The following GPC2 variants were observed in gnomAD, a reference collection of about 807,000 sequenced individuals.
The protein encoded by GPC2 is glypican-2.
A neutral mutation model predicts 57.3 loss-of-function variants in GPC2; 42 were observed. That is an observed-to-expected ratio of 0.73 (90% CI 0.57 to 0.95). The LOEUF (loss-of-function observed/expected upper bound fraction) is 0.95, where lower values mean the gene tolerates loss of function less well. Among genes scored for constraint, GPC2 ranks in the 40% least tolerant of loss-of-function variants. The probability of loss-of-function intolerance (pLI) is 0.00; values close to 1 mark genes in which losing one functional copy is unlikely to be tolerated. For missense variants in GPC2, 745 were observed against 793.6 expected (o/e 0.94, Z 0.74); for synonymous variants, 364 against 343.4 (o/e 1.06, Z -0.66).
chr7:100,172,222 A>C lies in GPC2; in HGVS notation c.893-5T>G. On this transcript the variant is annotated splice_polypyrimidine_tract_variant and splice_region_variant and intron_variant, in intron 5 of 9. Coordinates refer to ENST00000292377, the MANE Select transcript of GPC2 (RefSeq NM_152742.3). ...CAGCCAGGATCAGGAGACCATCTTA[A>C]GGGAGGGAGAGAAAGAGAAAGGATG... The C allele has an allele frequency of 1.9e-6, 3 of 1,613,760 alleles. No individual in the cohort carries two copies. The highest frequency in any genetic ancestry group is 2.5e-6 in the Non-Finnish European group (3 of 1,179,888).
At position 100,177,041 on chromosome 7, in the gene GPC2, C is replaced by G; in HGVS notation, c.159G>C (p.Leu53=). 6.0e-6 allele frequency: 8 copies of G among 1,343,212 alleles called. No homozygotes were observed. Among genetic ancestry groups the G allele is most frequent in the Non-Finnish European group, 8.0e-6 (8 of 1,005,912 alleles). The allele number at this position is 1,343,212 out of a possible 1,614,324, so 83.2% of individuals were successfully genotyped here. A position where few individuals can be genotyped will look rare whatever the true frequency, so the allele number is the denominator to read the frequency against. The stretch of plus-strand genomic sequence containing the variant: ...CTTCCTCTTTCTCCTCACCTGAGAT[C>G]AGGGCGGGAGGGATTAGGTTTAAGC... ...GYSLNLIPPA[L]ISGEHLRVCP... Residue 53 remains leucine (L), a synonymous_variant, in exon 1 of 10, where the codon CTG becomes CTC. Coordinates refer to ENST00000292377, the MANE Select transcript of GPC2 (RefSeq NM_152742.3).
intron 2 of GPC2, 29 bp from the exon 3 acceptor site, chr7:100,175,923 G>T: frequency 6.3e-7 from 1 of 1,589,432 alleles, no homozygotes; most frequent in Non-Finnish European, 8.6e-7. Context: ...ACAGGTGGAA[G>T]GCAGGTCAGG....
intron 1 of GPC2, among the ~76,000 whole-genome samples, chr7:100,176,746 G>T (rs577054576): frequency 6.6e-6 from 1 of 152,282 alleles, no homozygotes; most frequent in East Asian, 1.9e-4. Flanking sequence ...CATAGAAGGG[G>T]CTAATAGAAA....
rs151114110 is a variant in GPC2 at position 100,177,145 on chromosome 7, C to T, written c.55G>A (p.Gly19Ser). 2 of 1,613,754 alleles carry T rather than the reference C, an allele frequency of 1.2e-6. No homozygotes were observed. The highest frequency in any genetic ancestry group is 1.7e-5 in the Admixed American group (1 of 59,980). Residue 19 changes from glycine to serine, a missense_variant, in exon 1 of 10, where the codon GGT becomes AGT. Coordinates refer to ENST00000292377, the MANE Select transcript of GPC2 (RefSeq NM_152742.3). ...TTTGCCTCGCTCCCGGGTCCGGGAC[C>T]AGGACCGGGACACAGAGGCAGCAGC... ...LLLLPLCPGP[G>S]PGPGSEAKVT... is the part of the protein sequence containing the mutation.
rs1799225343 is a variant in GPC2, at chr7:100,173,840, T to C, written c.887A>G (p.Tyr296Cys). 4 of 1,564,104 alleles carry C rather than the reference T, an allele frequency of 2.6e-6. No individual in the cohort carries two copies. Among genetic ancestry groups the C allele is most frequent in the African/African-American group, 1.4e-5 (1 of 72,476 alleles). Residue 296 changes from tyrosine (Y) to cysteine (C), a missense_variant, in exon 5 of 10, where the codon TAT becomes TGT. This residue lies in a region of GPC2 where 607 missense variants were observed against 603.9 expected (regional missense o/e 1.01). Transcript: ENST00000292377. ...GCTTTCTTGAATCCCCTCACCCAGA[T>C]AGTTGCCCCAGTCAGGCTCCAGTCC... ...SRGLEPDWGNYLDGLLILADK... is the reference protein window; with the variant it reads ...SRGLEPDWGNCLDGLLILADK...
At chr7:100,174,352 A>G (rs1799233707) in intron 4 of GPC2, 1 of 519,862 alleles carries the variant, frequency 1.9e-6, no homozygotes, top group Non-Finnish European at 3.5e-6. Flanking sequence ...TCTGGCCTTC[A>G]GCAGCAGGGA....
At position 100,170,061 on chromosome 7, in the gene GPC2, C is replaced by T. The variant is rs1294075675; in HGVS notation, c.*169G>A. On this transcript the variant is annotated 3_prime_UTR_variant, in exon 10 of 10. Transcript: ENST00000292377. The stretch of plus-strand genomic sequence containing the variant: ...ATGAAAAAATAAATATTGTGAACAC[C>T]CACCCACCTCTGATGAAAATCTCCT... The T allele has an allele frequency of 5.3e-6, 3 of 561,422 alleles. No individual in the cohort carries two copies. Among genetic ancestry groups the T allele is most frequent in the Non-Finnish European group, 9.1e-6 (3 of 328,438 alleles). The allele number at this position is 561,422 out of a possible 1,614,324, so 34.8% of individuals were successfully genotyped here. A position where few individuals can be genotyped will look rare whatever the true frequency, so the allele number is the denominator to read the frequency against.
rs202085989 is a variant in GPC2 at position 100,176,381 on chromosome 7, G to T, written c.167-16C>A. On this transcript the variant is annotated splice_polypyrimidine_tract_variant and intron_variant, in intron 1 of 9. Transcript: ENST00000292377. ...AGGTGCTCACCTGGACAGAGGAGAC[G>T]TGAAGGAATGGTGGGAAGTGATATC... 2 of 1,607,654 alleles carry T rather than the reference G, an allele frequency of 1.2e-6. No homozygotes were observed. Among genetic ancestry groups the T allele is most frequent in the African/African-American group, 2.7e-5 (2 of 74,744 alleles).
intron 2 of GPC2, 151 bp from the exon 3 acceptor site, chr7:100,176,045 A>G (rs1799269282): frequency 3.1e-6 from 1 of 325,516 alleles, no homozygotes; most frequent in African/African-American, 5.3e-5. Flanking sequence ...CAGACAGGGA[A>G]TGGGGGAGGG....
In GPC2 at chr7:100,171,228, CG is replaced by C. The variant is rs1799170233; in HGVS notation, c.1486+32del. 1 of 1,500,324 alleles carries C rather than the reference CG, an allele frequency of 6.7e-7. No homozygotes were observed. The highest frequency in any genetic ancestry group is 2.2e-5 in the Admixed American group (1 of 45,080). The allele number at this position is 1,500,324 out of a possible 1,614,324, so 92.9% of individuals were successfully genotyped here. On this transcript the variant is annotated intron_variant, in intron 9 of 9. Coordinates refer to ENST00000292377, the MANE Select transcript of GPC2 (RefSeq NM_152742.3). The surrounding 1 kb of genome is among the most constrained non-coding windows in gnomAD (Gnocchi z 4.8). ...AGGGGAGAGGCTTCAGGGCAGTGGGCGGGGCTCAGGCTCAGGGATGCAGGGG... is the reference window on the plus strand; with the variant it reads ...AGGGGAGAGGCTTCAGGGCAGTGGGCGGGCTCAGGCTCAGGGATGCAGGGG...
intron 4 of GPC2, 122 bp from the exon 5 acceptor site, chr7:100,174,119 G>A (rs1395935200): frequency 1.5e-5 from 12 of 789,226 alleles, no homozygotes; most frequent in South Asian, 6.6e-5. Context: ...GTGACCCCAC[G>A]TGGCAGCAGG....
chr7:100,173,978 C>T lies in GPC2; in HGVS notation c.749G>A (p.Cys250Tyr). The change falls in exon 5 of 10, where the codon TGC becomes TAC. Residue 250 changes from cysteine (C) to tyrosine (Y), a missense_variant. Coordinates refer to ENST00000292377, the MANE Select transcript of GPC2 (RefSeq NM_152742.3). ...EALKVPVSEGCSQALMRLIGC... is the reference protein window; with the variant it reads ...EALKVPVSEGYSQALMRLIGC... Reference sequence around the variant, plus strand: ...GATGAGACGCATCAGAGCCTGGCTGCAGCCTTCAGACACCGGCACCTGGGG... The same window carrying T: ...GATGAGACGCATCAGAGCCTGGCTGTAGCCTTCAGACACCGGCACCTGGGG... 1.9e-6 allele frequency: 3 copies of T among 1,584,926 alleles called. No homozygotes were observed. The highest frequency in any genetic ancestry group is 1.7e-6 in the Non-Finnish European group (2 of 1,166,378).
At position 100,174,501 on chromosome 7, in the gene GPC2, C is replaced by G. The variant is rs765470503; in HGVS notation, c.729+184G>C. 6 of 685,924 alleles carry G rather than the reference C, an allele frequency of 8.7e-6. No individual in the cohort carries two copies. In the Admixed American group the frequency reaches 1.2e-4, roughly 14 times the overall value. The allele number at this position is 685,924 out of a possible 1,614,324, so 42.5% of individuals were successfully genotyped here. On this transcript the variant is annotated intron_variant, in intron 4 of 9. Transcript: ENST00000292377. ...GAGGAGGGGGTCAGAGATCATGGAT[C>G]GTGGACCATTGGAGGTTTCACTCCA... is the stretch of plus-strand genomic sequence containing the variant.
At chr7:100,176,475 T>C (rs567857198) in intron 1 of GPC2, 110 bp from the exon 2 acceptor site, 3 of 1,024,502 alleles carry the variant, frequency 2.9e-6, no homozygotes, top group East Asian at 2.4e-5. Context: ...CTGGTCTCTT[T>C]TCTATTGTCT....
chr7:100,175,976 G>A, intron 2 of GPC2, 82 bp from the exon 3 acceptor site: 1 of 1,163,714 alleles, frequency 8.6e-7, no homozygotes, highest in Non-Finnish European at 1.3e-6. Flanking sequence ...GGCAGGAGGA[G>A]ATGGGAGAGA....
rs141656108 is a variant in GPC2 at position 100,170,229 on chromosome 7, G to A, written c.*1C>T. The A allele has an allele frequency of 1.4e-3, 2,153 of 1,548,442 alleles. 4 individuals are homozygous for A. The highest frequency in any genetic ancestry group is 1.7e-3 in the Non-Finnish European group (1,999 of 1,145,188). On this transcript the variant is annotated 3_prime_UTR_variant, in exon 10 of 10. Coordinates refer to ENST00000292377, the MANE Select transcript of GPC2 (RefSeq NM_152742.3). ...TCTGATGCTAGGGCACCCCTCCCCCGTTATCGAGGTCCAAGCAGGGCCAGG... is the reference window on the plus strand; with the variant it reads ...TCTGATGCTAGGGCACCCCTCCCCCATTATCGAGGTCCAAGCAGGGCCAGG...
At chr7:100,176,587 C>T (rs1334920271) in intron 1 of GPC2, among the ~76,000 whole-genome samples, 2 of 152,162 alleles carry the variant, frequency 1.3e-5, no homozygotes, top group East Asian at 3.9e-4. Context: ...AACAGCTGCC[C>T]TGAGGGCCAA....
At position 100,177,048 on chromosome 7, in the gene GPC2, G is replaced by C. The variant is rs561633270; in HGVS notation, c.152C>G (p.Pro51Arg). Reference protein sequence around the residue: ...ARGYSLNLIPPALISGEHLRV... With the variant: ...ARGYSLNLIPRALISGEHLRV... ...TTTCTCCTCACCTGAGATCAGGGCGGGAGGGATTAGGTTTAAGCTATATCC... is the reference window on the plus strand; with the variant it reads ...TTTCTCCTCACCTGAGATCAGGGCGCGAGGGATTAGGTTTAAGCTATATCC... Residue 51 changes from proline to arginine, a missense_variant, in exon 1 of 10, where the codon CCC becomes CGC. Around this residue, in one of 2 missense-constraint regions of GPC2, gnomAD observed 138 missense variants for 189.8 expected, o/e 0.73. Coordinates refer to ENST00000292377, the MANE Select transcript of GPC2 (RefSeq NM_152742.3). The C allele has an allele frequency of 6.2e-7, 1 of 1,607,048 alleles. No homozygotes were observed. Among genetic ancestry groups the C allele is most frequent in the African/African-American group, 1.3e-5 (1 of 74,282 alleles).
At position 100,177,302 on chromosome 7, in the gene GPC2, A is replaced by G; in HGVS notation, c.-103T>C. The G allele has an allele frequency of 9.8e-7, 1 of 1,019,356 alleles. No homozygotes were observed. Among genetic ancestry groups the G allele is most frequent in the Non-Finnish European group, 1.4e-6 (1 of 718,472 alleles). The allele number at this position is 1,019,356 out of a possible 1,614,324, so 63.1% of individuals were successfully genotyped here. ...CGGCCGCGGGACCGCTCCGCGGGCC[A>G]GAGAAAGAGCGCTGCTCCGGAAAAC... On this transcript the variant is annotated 5_prime_UTR_variant, in exon 1 of 10. Coordinates refer to ENST00000292377, the MANE Select transcript of GPC2 (RefSeq NM_152742.3).
Sources: gnomAD v4.1 joint callset for allele counts (sites outside exome capture counted in the v4.1 genomes callset) on GRCh38, gnomAD v4.1.1 for gene constraint, gnomAD v4.1.1 regional missense constraint, Gnocchi (gnomAD v3.1) non-coding constraint, MANE v1.5 for transcripts, NCBI Gene and HGNC (gene_info 2026-07-23, HGNC 2026-07-21) for gene names.